Variants in ZNF675 observed in about 807,000 individuals in gnomAD.
ZNF675 encodes the protein TRAF6 inhibitory zinc finger.
Under a neutral mutation model 56.1 loss-of-function variants are expected in ZNF675, and 36 were observed. The observed-to-expected ratio is 0.64, with a 90% CI of 0.49 to 0.85. The LOEUF (loss-of-function observed/expected upper bound fraction) is 0.85, where lower values mean the gene tolerates loss of function less well. Among genes scored for constraint, ZNF675 ranks in the 40% least tolerant of loss-of-function variants. ZNF675 has a pLI of 0.00. For missense variants in ZNF675, 663 were observed against 654.2 expected (o/e 1.01, Z -0.15); for synonymous variants, 200 against 218.9 (o/e 0.91, Z 0.76).
Position 23,654,051 on chromosome 19 carries a change from G to T in ZNF675, c.882C>A (p.Asn294Lys). 6.2e-7 allele frequency: 1 copy of T among 1,613,376 alleles called. No homozygotes were observed. The highest frequency in any genetic ancestry group is 1.1e-5 in the South Asian group (1 of 91,066). Residue 294 changes from asparagine to lysine, a missense_variant, in exon 4 of 4, where the codon AAC becomes AAA. Coordinates refer to ENST00000359788, the MANE Select transcript of ZNF675 (RefSeq NM_138330.3). ...TATGTGTAGTAAGATTTGAGAACTGGTTAAAGGCTTTGCCACATTCTTCAC... is the reference window on the plus strand; with the variant it reads ...TATGTGTAGTAAGATTTGAGAACTGTTTAAAGGCTTTGCCACATTCTTCAC... ...YKCEECGKAF[N>K]QFSNLTTHKK...
At chr19:23,673,230 AG>A (rs1300217811) in intron 1 of ZNF675, among the ~76,000 whole-genome samples, 1 of 152,238 alleles carries the variant, frequency 6.6e-6, no homozygotes, top group Non-Finnish European at 1.5e-5. Context: ...GAGTATCAGC[AG>A]GTGTTACCTG....
intron 3 of ZNF675, among the ~76,000 whole-genome samples, chr19:23,657,595 T>C (rs1174609447): frequency 6.6e-6 from 1 of 152,136 alleles, no homozygotes; most frequent in Non-Finnish European, 1.5e-5. Flanking sequence ...CGCATGCCTG[T>C]AATCCCAGCT....
At chr19:23,683,356 T>C (rs1251849794) in intron 1 of ZNF675, among the ~76,000 whole-genome samples, 4 of 150,756 alleles carry the variant, frequency 2.7e-5, no homozygotes, top group Non-Finnish European at 5.9e-5. Context: ...AGAGGAACTA[T>C]GTTTTCATGA....
chr19:23,662,920 G>A, intron 2 of ZNF675, 112 bp downstream of exon 2: 2 of 986,918 alleles, frequency 2.0e-6, no homozygotes, highest in Non-Finnish European at 2.8e-6. Context: ...GGAGGCGGAG[G>A]TTGCAGTGAG....
At chr19:23,668,116 G>C (rs1343321786) in intron 1 of ZNF675, among the ~76,000 whole-genome samples, 1 of 149,464 alleles carries the variant, frequency 6.7e-6, no homozygotes, top group African/African-American at 2.5e-5. Context: ...GTGTCAACTG[G>C]TGCACTCACA....
chr19:23,659,962 A>T (rs1229133898), intron 3 of ZNF675, among the ~76,000 whole-genome samples: 3 of 152,310 alleles, frequency 2.0e-5, no homozygotes, highest in South Asian at 2.1e-4. Flanking sequence ...TGACCTGGAA[A>T]GATCCTTTCT....
At position 23,653,843 on chromosome 19, in the gene ZNF675, C is replaced by T; in HGVS notation, c.1090G>A (p.Gly364Arg). The change falls in exon 4 of 4, where the codon GGA becomes AGA. Residue 364 changes from glycine to arginine, a missense_variant. Coordinates refer to ENST00000359788, the MANE Select transcript of ZNF675 (RefSeq NM_138330.3). ...KLTEHKNIHT[G>R]EQPYKCEECG... ...TCCTCACATTTGTAGGGTTGCTCTCCAGTATGAATGTTTTTATGTTCAGTA... is the reference window on the plus strand; with the variant it reads ...TCCTCACATTTGTAGGGTTGCTCTCTAGTATGAATGTTTTTATGTTCAGTA... 1 of 1,613,740 alleles carries T rather than the reference C, an allele frequency of 6.2e-7. No homozygotes were observed. The highest frequency in any genetic ancestry group is 1.3e-5 in the African/African-American group (1 of 74,964).
intron 1 of ZNF675, among the ~76,000 whole-genome samples, chr19:23,669,169 C>T (rs1411828073): frequency 6.6e-6 from 1 of 152,194 alleles, no homozygotes; most frequent in African/African-American, 2.4e-5. Flanking sequence ...TGGAACTAGC[C>T]AGAGCCACTC....
At chr19:23,686,589 G>A (rs1968445686) in intron 1 of ZNF675, among the ~76,000 whole-genome samples, 1 of 152,100 alleles carries the variant, frequency 6.6e-6, no homozygotes, top group Admixed American at 6.5e-5. Flanking sequence ...GTCTCCCAAA[G>A]TGCTGGTATT....
chr19:23,662,823 T>C (rs77244189), intron 2 of ZNF675, among the ~76,000 whole-genome samples: 1 of 151,142 alleles, frequency 6.6e-6, no homozygotes, highest in East Asian at 1.9e-4. Context: ...CTACCAAAAA[T>C]ACAAAAAAAA....
chr19:23,654,569 A>C lies in ZNF675; in HGVS notation c.364T>G (p.Cys122Gly). ...TTATAACCTCCCTTGTGCAACTTAC[A>C]TTCATCCACACTTTTACAGCCTTTT... ...QLKGCKSVDECKLHKGGYNGL... is the reference protein window; with the variant it reads ...QLKGCKSVDEGKLHKGGYNGL... The change falls in exon 4 of 4, where the codon TGT becomes GGT. Residue 122 changes from cysteine (C) to glycine (G), a missense_variant. By Grantham distance (159) the Cys-to-Gly change is radical. Transcript: ENST00000359788. 1 of 1,612,478 alleles carries C rather than the reference A, an allele frequency of 6.2e-7. No homozygotes were observed. The highest frequency in any genetic ancestry group is 8.5e-7 in the Non-Finnish European group (1 of 1,179,198).
At chr19:23,665,079 T>C (rs2144932014) in intron 1 of ZNF675, among the ~76,000 whole-genome samples, 1 of 152,064 alleles carries the variant, frequency 6.6e-6, no homozygotes. Flanking sequence ...GCATGGTGGC[T>C]CACACCTGTT....
chr19:23,680,788 T>G (rs1261430476), intron 1 of ZNF675, among the ~76,000 whole-genome samples: 2 of 151,304 alleles, frequency 1.3e-5, no homozygotes, highest in African/African-American at 4.9e-5. Context: ...TAATAAGAGC[T>G]AAATAATAAG....
intron 2 of ZNF675, among the ~76,000 whole-genome samples, chr19:23,662,770 ACGAGTTCGAGACCAG>A (rs1239499756): frequency 2.0e-5 from 3 of 151,942 alleles, no homozygotes; most frequent in Admixed American, 6.6e-5. Flanking sequence ...ATCTGAGGTC[ACGAGTTCGAGACCAG>A]CCTGGACAAC....
rs976314874 is a variant in ZNF675 at position 23,654,111 on chromosome 19, A to G, written c.822T>C (p.His274=). The G allele has an allele frequency of 6.2e-7, 1 of 1,613,946 alleles. No homozygotes were observed. Among genetic ancestry groups the G allele is most frequent in the Non-Finnish European group, 8.5e-7 (1 of 1,179,998 alleles). Residue 274 remains histidine, a synonymous_variant, in exon 4 of 4, where the codon CAT becomes CAC. Transcript: ENST00000359788. ...AFNQSSHLTT[H]KIIHTGEKPY... The stretch of plus-strand genomic sequence containing the variant: ...GTTTCTCTCCTGTATGAATTATCTT[A>G]TGTGTAGTAAGGTGTGAGGACTGGT...
chr19:23,653,838 C>A lies in ZNF675; in HGVS notation c.1095G>T (p.Glu365Asp). 7 of 1,613,736 alleles carry A rather than the reference C, an allele frequency of 4.3e-6. No homozygotes were observed. Among genetic ancestry groups the A allele is most frequent in the Non-Finnish European group, 5.9e-6 (7 of 1,179,888 alleles). ...CGCATTCCTCACATTTGTAGGGTTG[C>A]TCTCCAGTATGAATGTTTTTATGTT... Reference protein sequence around the residue: ...LTEHKNIHTGEQPYKCEECGK... With the variant: ...LTEHKNIHTGDQPYKCEECGK... Residue 365 changes from glutamate to aspartate, a missense_variant, in exon 4 of 4, where the codon GAG becomes GAT. Physicochemically the swap from Glu to Asp is conservative, Grantham distance 45. This residue lies in a region of ZNF675 where 617 missense variants were observed against 590.5 expected (regional missense o/e 1.04). Transcript: ENST00000359788.
chr19:23,659,740 T>C (rs1202644678), intron 3 of ZNF675, among the ~76,000 whole-genome samples: 4 of 152,160 alleles, frequency 2.6e-5, no homozygotes, highest in Non-Finnish European at 5.9e-5. Context: ...GAACTTACTA[T>C]GTAACCATCC....
chr19:23,653,668 T>C lies in ZNF675; in HGVS notation c.1265A>G (p.Lys422Arg). The change falls in exon 4 of 4, where the codon AAA becomes AGA. Residue 422 changes from lysine to arginine, a missense_variant. Transcript: ENST00000359788. ...TTHKRIHTGE[K>R]PYKCEECGKA... is the part of the protein sequence containing the mutation. ...GCCACATTCTTCACATTTGTAGGGT[T>C]TCTCTCCAGTGTGAATTCTCTTATG... 1 of 1,613,766 alleles carries C rather than the reference T, an allele frequency of 6.2e-7. No individual in the cohort carries two copies. The highest frequency in any genetic ancestry group is 8.5e-7 in the Non-Finnish European group (1 of 1,179,970).
intron 1 of ZNF675, among the ~76,000 whole-genome samples, chr19:23,676,682 T>C (rs1968298789): frequency 6.6e-6 from 1 of 151,790 alleles, no homozygotes; most frequent in African/African-American, 2.4e-5. Context: ...CTCAACAAAC[T>C]AGGCATTGAA....
Sources: gnomAD v4.1 joint callset for allele counts (sites outside exome capture counted in the v4.1 genomes callset) on GRCh38, gnomAD v4.1.1 for gene constraint, gnomAD v4.1.1 regional missense constraint, MANE v1.5 for transcripts, NCBI Gene and HGNC (gene_info 2026-07-23, HGNC 2026-07-21) for gene names.